The following SYN3 variants were observed in gnomAD, a reference collection of about 807,000 sequenced individuals.
SYN3 encodes synapsin-3.
SYN3 carries 35 observed loss-of-function variants against 65.8 expected under a neutral mutation model. The ratio of observed to expected loss-of-function variants is 0.53; its 90% CI spans 0.41 to 0.70. The LOEUF is 0.70. Ranked by LOEUF, SYN3 falls within the 30% of genes least tolerant of loss-of-function variation. The pLI is 0.00. For synonymous variants in SYN3, 270 were observed against 292.9 expected (o/e 0.92, Z 0.80); for missense variants, 680 against 749.0 (o/e 0.91, Z 1.08).
At chr22:32,682,952 A>G (rs1012892853) in intron 6 of SYN3, among the ~76,000 whole-genome samples, 1 of 152,156 alleles carries the variant, frequency 6.6e-6, no homozygotes, top group Non-Finnish European at 1.5e-5. Context: ...AAACATTTGC[A>G]TAGGGCACCT....
At chr22:32,899,180 T>C (rs956828745) in intron 4 of SYN3, among the ~76,000 whole-genome samples, 2 of 151,378 alleles carry the variant, frequency 1.3e-5, no homozygotes, top group African/African-American at 4.8e-5. Flanking sequence ...AGGTAAGTTA[T>C]GGTCGGCATC....
At chr22:32,922,335 C>CT (rs1370544543) in intron 4 of SYN3, among the ~76,000 whole-genome samples, 1 of 152,120 alleles carries the variant, frequency 6.6e-6, no homozygotes, top group Non-Finnish European at 1.5e-5. Context: ...GTGTTTCAGC[C>CT]TTTTTATCTA....
chr22:32,710,995 C>T (rs1233762309), intron 6 of SYN3, among the ~76,000 whole-genome samples: 2 of 152,172 alleles, frequency 1.3e-5, no homozygotes, highest in African/African-American at 4.8e-5. Context: ...CAGTGACATG[C>T]CGGAGATGCT....
At chr22:32,910,632 T>C (rs955131699) in intron 4 of SYN3, among the ~76,000 whole-genome samples, 1 of 144,588 alleles carries the variant, frequency 6.9e-6, no homozygotes, top group Admixed American at 7.1e-5. Context: ...GACGAGTTAT[T>C]CGGTTGGTGC....
intron 11 of SYN3, 144 bp downstream of exon 11, chr22:32,528,730 C>T: frequency 1.7e-6 from 2 of 1,180,510 alleles, no homozygotes; most frequent in African/African-American, 1.5e-5. Flanking sequence ...TCCCCAATGT[C>T]TGGCCTTCGT....
At chr22:32,961,293 G>C (rs2146885615) in intron 3 of SYN3, among the ~76,000 whole-genome samples, 1 of 152,152 alleles carries the variant, frequency 6.6e-6, no homozygotes, top group South Asian at 2.1e-4. Context: ...GACAGGTTAG[G>C]CTAAGCGTAT....
At position 32,709,455 on chromosome 22, in the gene SYN3, G is replaced by A. The variant is rs5749497; in HGVS notation, c.712-112719C>T. ...GTTGGAACTTGCATCAAACCTCTGC[G>A]TGTCCTAAAATTAACAAACCAGAAC... On this transcript the variant is annotated intron_variant, in intron 6 of 13. Coordinates refer to ENST00000358763, the MANE Select transcript of SYN3 (RefSeq NM_003490.4). Among the ~76,000 whole-genome samples, 80 of 152,256 alleles carry A rather than the reference G, an allele frequency of 5.3e-4. No individual in the cohort carries two copies. In the East Asian group the frequency reaches 0.013, roughly 25 times the overall value.
At chr22:32,737,147 A>G (rs1321483367) in intron 6 of SYN3, among the ~76,000 whole-genome samples, 1 of 152,214 alleles carries the variant, frequency 6.6e-6, no homozygotes. Context: ...TTTTTATAGA[A>G]CAGTCTTAAT....
chr22:32,600,211 G>C (rs2059262030), intron 6 of SYN3, among the ~76,000 whole-genome samples: 1 of 152,226 alleles, frequency 6.6e-6, no homozygotes, highest in African/African-American at 2.4e-5. Context: ...GGTGATGGGA[G>C]ACAGTGACAG....
At chr22:32,948,736 C>CAAGAAATA (rs142769144) in intron 3 of SYN3, among the ~76,000 whole-genome samples, 1 of 149,652 alleles carries the variant, frequency 6.7e-6, no homozygotes, top group Non-Finnish European at 1.5e-5. Flanking sequence ...GACTCCGTCT[C>CAAGAAATA]AATAAATAAA....
chr22:32,699,438 A>G (rs916891195), intron 6 of SYN3, among the ~76,000 whole-genome samples: 2 of 152,198 alleles, frequency 1.3e-5, no homozygotes, highest in Non-Finnish European at 2.9e-5. Context: ...GTTCCACTGC[A>G]GAGACAGCAG....
intron 6 of SYN3, among the ~76,000 whole-genome samples, chr22:32,735,796 T>C (rs868750096): frequency 1.3e-5 from 2 of 152,200 alleles, no homozygotes; most frequent in African/African-American, 2.4e-5. Flanking sequence ...AGCTAATATC[T>C]TGGGCTCCCA....
At chr22:32,859,264 C>A in intron 6 of SYN3, 1 of 1,614,174 alleles carries the variant, frequency 6.2e-7, no homozygotes, top group Non-Finnish European at 8.5e-7. Context: ...TTTCGGTTAC[C>A]CTGGCTACCA....
At chr22:33,053,665 T>C (rs975537878) in intron 1 of SYN3, among the ~76,000 whole-genome samples, 2 of 152,186 alleles carry the variant, frequency 1.3e-5, no homozygotes, top group Admixed American at 6.5e-5. Flanking sequence ...CTTGGGCTAA[T>C]TCCCTCTGCT....
In SYN3 at chr22:32,517,323, C is replaced by T. The variant is rs5749454; in HGVS notation, c.1610+720G>A. On this transcript the variant is annotated intron_variant, in intron 13 of 13. Transcript: ENST00000358763. ...AGCAGTTCTACCATGTAAGAAAGCT[C>T]GGCTTAGCCTTGGGGAGGATGAGAC... Among the ~76,000 whole-genome samples, 23 of 152,324 alleles carry T rather than the reference C, an allele frequency of 1.5e-4. No individual in the cohort carries two copies. In the East Asian group the frequency reaches 1.7e-3, roughly 11 times the overall value.
intron 4 of SYN3, among the ~76,000 whole-genome samples, chr22:32,910,410 C>T (rs2050021621): frequency 6.6e-6 from 1 of 152,142 alleles, no homozygotes; most frequent in Non-Finnish European, 1.5e-5. Flanking sequence ...GGTTCGAGAA[C>T]CACATGACAT....
At chr22:32,530,867 G>C (rs563137753) in intron 10 of SYN3, among the ~76,000 whole-genome samples, 3 of 152,026 alleles carry the variant, frequency 2.0e-5, no homozygotes, top group Non-Finnish European at 4.4e-5. Flanking sequence ...TTAGCCGGGC[G>C]TGGTGGCAGG....
chr22:32,744,074 C>T (rs1172330559), intron 6 of SYN3, among the ~76,000 whole-genome samples: 1 of 152,182 alleles, frequency 6.6e-6, no homozygotes, highest in African/African-American at 2.4e-5. Context: ...TGCTCTCACT[C>T]CCCCTTCTCA....
chr22:32,979,320 T>C (rs2052304806), intron 3 of SYN3, among the ~76,000 whole-genome samples: 1 of 152,208 alleles, frequency 6.6e-6, no homozygotes, highest in Non-Finnish European at 1.5e-5. Flanking sequence ...CTAGCTAGCA[T>C]AGTAGACTCT....
Sources: allele counts gnomAD v4.1 joint callset (sites outside exome capture counted in the v4.1 genomes callset), GRCh38; gene constraint gnomAD v4.1.1; transcripts MANE v1.5; gene names NCBI Gene and HGNC (gene_info 2026-07-23, HGNC 2026-07-21).